GALNTL6: variants seen among roughly 807,000 people sequenced by gnomAD.
GALNTL6 encodes polypeptide N-acetylgalactosaminyltransferase-like 6.
GALNTL6 carries 46 observed loss-of-function variants against 73.7 expected under a neutral mutation model. The ratio of observed to expected loss-of-function variants is 0.62; its 90% CI spans 0.49 to 0.80. The LOEUF (loss-of-function observed/expected upper bound fraction) is 0.80. Among genes scored for constraint, GALNTL6 ranks in the 30% least tolerant of loss-of-function variants. The probability of loss-of-function intolerance (pLI) is 0.00; values close to 1 mark genes in which losing one functional copy is unlikely to be tolerated. For synonymous variants in GALNTL6, 259 were observed against 263.7 expected (o/e 0.98, Z 0.17); for missense variants, 604 against 755.0 (o/e 0.80, Z 2.34).
At chr4:171,933,455 AC>A (rs1025978387) in intron 2 of GALNTL6, among the ~76,000 whole-genome samples, 6 of 152,176 alleles carry the variant, frequency 3.9e-5, no homozygotes, top group African/African-American at 1.4e-4. Context: ...TACTTTACAA[AC>A]ATAAATATTG....
intron 5 of GALNTL6, chr4:172,667,176 C>G (rs1731714861): frequency 6.6e-6 from 1 of 152,192 alleles, no homozygotes; most frequent in Non-Finnish European, 1.5e-5. Flanking sequence ...GGAGCGACTC[C>G]TAGCGGAATC....
At chr4:171,940,547 C>G (rs535942617) in intron 2 of GALNTL6, among the ~76,000 whole-genome samples, 1 of 152,040 alleles carries the variant, frequency 6.6e-6, no homozygotes, top group Non-Finnish European at 1.5e-5. Context: ...AAGGGCCAGG[C>G]GCAGTGGCTC....
rs149158111 is a variant in GALNTL6, at chr4:172,714,934, G to C, written c.554-94427G>C. ...CTTGAACATTTAGGTGGACTATTGA[G>C]ATTTCTGATTCTCCATAATATTTCT... On this transcript the variant is annotated intron_variant, in intron 5 of 12. Transcript: ENST00000506823. Among the ~76,000 whole-genome samples, 876 of 152,000 alleles carry C rather than the reference G, an allele frequency of 5.8e-3. 6 individuals are homozygous for C. The highest frequency in any genetic ancestry group is 0.02 in the African/African-American group (825 of 41,468).
At chr4:172,244,036 A>T (rs1737542570) in intron 3 of GALNTL6, among the ~76,000 whole-genome samples, 1 of 152,178 alleles carries the variant, frequency 6.6e-6, no homozygotes, top group Admixed American at 6.5e-5. Flanking sequence ...TATTGTTAAT[A>T]GTTCACTATA....
intron 2 of GALNTL6, among the ~76,000 whole-genome samples, chr4:172,085,913 A>G (rs1732020181): frequency 6.6e-6 from 1 of 152,134 alleles, no homozygotes; most frequent in African/African-American, 2.4e-5. Context: ...ACACTCAAAT[A>G]TCTAGATTAG....
intron 5 of GALNTL6, among the ~76,000 whole-genome samples, chr4:172,538,383 C>T (rs1444352041): frequency 6.6e-6 from 1 of 152,056 alleles, no homozygotes; most frequent in African/African-American, 2.4e-5. Context: ...TGGCGTGAAC[C>T]CAGGAAGCAG....
intron 2 of GALNTL6, among the ~76,000 whole-genome samples, chr4:172,098,429 AG>A (rs747577267): frequency 4.6e-5 from 7 of 152,136 alleles, no homozygotes; most frequent in Non-Finnish European, 8.8e-5. Flanking sequence ...GAAAAGCCAA[AG>A]GAGGATAATT....
At chr4:172,291,270 A>AT (rs902113644) in intron 3 of GALNTL6, among the ~76,000 whole-genome samples, 6 of 152,002 alleles carry the variant, frequency 3.9e-5, no homozygotes, top group Non-Finnish European at 7.4e-5. Context: ...CAAAACATAA[A>AT]TTTTCCCCTT....
intron 5 of GALNTL6, among the ~76,000 whole-genome samples, chr4:172,775,938 G>A (rs1283318724): frequency 6.6e-6 from 1 of 152,130 alleles, no homozygotes; most frequent in Admixed American, 6.5e-5. Context: ...CTGGCCCTAG[G>A]TCCTACAGCT....
At chr4:171,856,365 T>C (rs971597842) in intron 2 of GALNTL6, among the ~76,000 whole-genome samples, 3 of 152,076 alleles carry the variant, frequency 2.0e-5, no homozygotes, top group Non-Finnish European at 4.4e-5. Context: ...TCCACCCACC[T>C]TGGCCTCCCA....
intron 5 of GALNTL6, among the ~76,000 whole-genome samples, chr4:172,738,092 C>T (rs1287894708): frequency 1.3e-5 from 2 of 152,218 alleles, no homozygotes; most frequent in African/African-American, 4.8e-5. Context: ...TCCCTTCAGG[C>T]AGTCATGATG....
At chr4:172,644,235 G>A (rs1003645095) in intron 5 of GALNTL6, among the ~76,000 whole-genome samples, 1 of 151,502 alleles carries the variant, frequency 6.6e-6, no homozygotes, top group Non-Finnish European at 1.5e-5. Flanking sequence ...CAGTGTAGGT[G>A]TGTATGTGTG....
chr4:172,799,668 A>G (rs1406148227), intron 5 of GALNTL6, among the ~76,000 whole-genome samples: 2 of 152,198 alleles, frequency 1.3e-5, no homozygotes, highest in African/African-American at 2.4e-5. Flanking sequence ...TGTTGCTGGG[A>G]ATGTAAAATG....
At chr4:172,917,527 G>T (rs1388418420) in intron 8 of GALNTL6, among the ~76,000 whole-genome samples, 1 of 151,974 alleles carries the variant, frequency 6.6e-6, no homozygotes, top group Non-Finnish European at 1.5e-5. Context: ...TCCAGAATCT[G>T]CAAAGAACTC....
intron 5 of GALNTL6, among the ~76,000 whole-genome samples, chr4:172,711,604 A>G (rs1199588419): frequency 6.6e-6 from 1 of 152,116 alleles, no homozygotes; most frequent in Non-Finnish European, 1.5e-5. Flanking sequence ...ACAAAATGAT[A>G]AGAGTTCTCC....
chr4:171,949,908 G>A (rs2111028938), intron 2 of GALNTL6, among the ~76,000 whole-genome samples: 1 of 152,228 alleles, frequency 6.6e-6, no homozygotes, highest in Non-Finnish European at 1.5e-5. Context: ...AAGGAGGTTT[G>A]GGCGGGGACA....
intron 2 of GALNTL6, among the ~76,000 whole-genome samples, chr4:171,889,634 T>G (rs1736705085): frequency 6.6e-6 from 1 of 152,084 alleles, no homozygotes; most frequent in Non-Finnish European, 1.5e-5. Context: ...ATTTTAATGA[T>G]TTAGGTTTGA....
At chr4:172,813,840 C>A (rs1377780295) in intron 7 of GALNTL6, 117 bp downstream of exon 7, 1 of 750,122 alleles carries the variant, frequency 1.3e-6, no homozygotes, top group Non-Finnish European at 2.1e-6. Context: ...CAGGCGGCAA[C>A]AATATGCAAA....
chr4:172,145,555 G>A (rs1023396913), intron 2 of GALNTL6, among the ~76,000 whole-genome samples: 5 of 152,090 alleles, frequency 3.3e-5, no homozygotes, highest in African/African-American at 1.2e-4. Context: ...TCTGGATTTA[G>A]CTTCTCTATC....
Sources: allele counts gnomAD v4.1 joint callset (sites outside exome capture counted in the v4.1 genomes callset), GRCh38; gene constraint gnomAD v4.1.1; transcripts MANE v1.5; gene names NCBI Gene and HGNC (gene_info 2026-07-23, HGNC 2026-07-21).